RYR2: variants seen among roughly 807,000 people sequenced by gnomAD.
RYR2 encodes the protein ryanodine receptor 2.
A neutral mutation model predicts 601.1 loss-of-function variants in RYR2; 227 were observed. That is an observed-to-expected ratio of 0.38 (90% CI 0.34 to 0.42). The LOEUF is 0.42. Ranked by LOEUF, RYR2 falls within the 10% of genes least tolerant of loss-of-function variation. The probability of loss-of-function intolerance (pLI) is 1.00; values close to 1 mark genes in which losing one functional copy is unlikely to be tolerated. For missense variants in RYR2, 4,646 were observed against 6,156.5 expected, an observed-to-expected ratio of 0.75 and a Z score of 8.21; for synonymous variants, 2,223 against 2,175.1, an observed-to-expected ratio of 1.02 and a Z score of -0.61.
chr1:237,744,823 CAG>C (rs1315635162), intron 80 of RYR2, among the ~76,000 whole-genome samples: 2 of 134,262 alleles, frequency 1.5e-5, no homozygotes, highest in Non-Finnish European at 3.1e-5. Context: ...TTTTTTGAGA[CAG>C]AGTCTCACTG....
At chr1:237,187,275 A>T (rs1270093912) in intron 1 of RYR2, among the ~76,000 whole-genome samples, 1 of 150,022 alleles carries the variant, frequency 6.7e-6, no homozygotes, top group Non-Finnish European at 1.5e-5. Context: ...GGTTCAAGTG[A>T]TTCTCCTGTG....
intron 92 of RYR2, among the ~76,000 whole-genome samples, 188 bp from the exon 93 acceptor site, chr1:237,791,241 C>T (rs1310568070): frequency 6.6e-6 from 1 of 152,086 alleles, no homozygotes; most frequent in African/African-American, 2.4e-5. Context: ...CTTTTTTATT[C>T]TTTGTCTCCT....
intron 100 of RYR2, among the ~76,000 whole-genome samples, chr1:237,814,511 AG>A (rs34027395): frequency 6.6e-6 from 1 of 150,626 alleles, no homozygotes; most frequent in Non-Finnish European, 1.5e-5. Context: ...AATTTACAGT[AG>A]GGGGCGCCAT....
intron 80 of RYR2, 64 bp downstream of exon 80, chr1:237,742,413 A>G: frequency 8.7e-7 from 1 of 1,145,522 alleles, no homozygotes; most frequent in Non-Finnish European, 1.3e-6. Flanking sequence ...ATAGCTTATA[A>G]CTGACATTTA....
chr1:237,144,655 T>A (rs1673784426), intron 1 of RYR2, among the ~76,000 whole-genome samples: 1 of 152,228 alleles, frequency 6.6e-6, no homozygotes, highest in South Asian at 2.1e-4. Flanking sequence ...CATCTCTTAT[T>A]TTTTATCTGT....
intron 3 of RYR2, among the ~76,000 whole-genome samples, chr1:237,345,460 T>TAAA (rs1558658074): frequency 3.9e-5 from 5 of 128,668 alleles, no homozygotes; most frequent in Non-Finnish European, 4.9e-5. Flanking sequence ...TGCCAAAAAA[T>TAAA]AAAAAATAAA....
chr1:237,679,855 A>T (rs1469987210), intron 61 of RYR2, among the ~76,000 whole-genome samples: 1 of 152,164 alleles, frequency 6.6e-6, no homozygotes, highest in Non-Finnish European at 1.5e-5. Flanking sequence ...GACAGAGGGA[A>T]TGGCGTGTAC....
intron 23 of RYR2, among the ~76,000 whole-genome samples, chr1:237,507,147 G>A (rs1389700011): frequency 6.6e-6 from 1 of 152,220 alleles, no homozygotes; most frequent in Non-Finnish European, 1.5e-5. Flanking sequence ...AGATCTCAGT[G>A]AAATTGAAAG....
Position 237,490,676 on chromosome 1 carries a change from A to G in RYR2, c.1709-1130A>G, listed in dbSNP as rs6691286. ...GAACAGCTCCAAAATGTAACTCAAA[A>G]TCCTTTTGGCTGAATATATATTTGT... is the stretch of plus-strand genomic sequence containing the variant. On this transcript the variant is annotated intron_variant, in intron 17 of 104. Transcript: ENST00000366574. Among the ~76,000 whole-genome samples the G allele has an allele frequency of 4.6e-3, 696 of 152,308 alleles. 3 individuals carry two copies. The highest frequency in any genetic ancestry group is 0.015 in the African/African-American group (627 of 41,566).
intron 1 of RYR2, among the ~76,000 whole-genome samples, chr1:237,261,209 C>A (rs543403081): frequency 9.2e-5 from 14 of 152,280 alleles, no homozygotes; most frequent in African/African-American, 2.6e-4. Flanking sequence ...TCCACTGCTA[C>A]CATTCTGTTT....
At chr1:237,604,084 T>A (rs1348819174) in intron 35 of RYR2, among the ~76,000 whole-genome samples, 1 of 152,194 alleles carries the variant, frequency 6.6e-6, no homozygotes, top group Non-Finnish European at 1.5e-5. Flanking sequence ...AATAGACATC[T>A]ACAGAACTCT....
rs1431073529 is a variant in RYR2, at chr1:237,369,546, G to A, written c.322G>A (p.Gly108Ser). ...WKFMMKTAQGGGHRTLLYGHA... is the reference protein window; with the variant it reads ...WKFMMKTAQGSGHRTLLYGHA... ...CTTCTCTCTAAAGACTGCTCAAGGTGGTGGTCATCGAACACTCCTCTACGG... is the reference window on the plus strand; with the variant it reads ...CTTCTCTCTAAAGACTGCTCAAGGTAGTGGTCATCGAACACTCCTCTACGG... The change falls in exon 6 of 105, where the codon GGT (glycine) becomes AGT (serine). Residue 108 changes from glycine (G) to serine (S), a missense_variant. By Grantham distance (56) the Gly-to-Ser change is moderately conservative. Around this residue, in one of 17 missense-constraint regions of RYR2, gnomAD observed 153 missense variants for 203.6 expected, o/e 0.75. Coordinates refer to ENST00000366574, the MANE Select transcript of RYR2 (RefSeq NM_001035.3). 21 of 1,562,858 alleles carry A rather than the reference G, an allele frequency of 1.3e-5. No individual in the cohort carries two copies. Among genetic ancestry groups the A allele is most frequent in the Middle Eastern group, 1.7e-4 (1 of 6,030 alleles).
At chr1:237,490,043 A>C (rs1663152073) in intron 17 of RYR2, among the ~76,000 whole-genome samples, 1 of 152,234 alleles carries the variant, frequency 6.6e-6, no homozygotes, top group Admixed American at 6.5e-5. Context: ...ACATGGATGC[A>C]ACTGGAGGTT....
Position 237,634,953 on chromosome 1 carries a change from T to C in RYR2, c.6753T>C (p.Asn2251=), listed in dbSNP as rs753920249. The part of the protein sequence containing the change: ...DVAAASVMDN[N]ELALALREPD... The stretch of plus-strand genomic sequence containing the variant: ...CTGCAGCTTCGGTGATGGATAATAA[T>C]GAACTAGCATTAGCTCTGCGTGAGC... The change falls in exon 44 of 105, where the codon AAT becomes AAC. Residue 2251 remains asparagine, a synonymous_variant. Transcript: ENST00000366574. The C allele has an allele frequency of 6.2e-7, 1 of 1,608,952 alleles. No homozygotes were observed. The highest frequency in any genetic ancestry group is 1.1e-5 in the South Asian group (1 of 89,422).
intron 1 of RYR2, among the ~76,000 whole-genome samples, chr1:237,158,460 C>T (rs371189312): frequency 4.6e-5 from 7 of 152,124 alleles, no homozygotes; most frequent in Non-Finnish European, 7.3e-5. Flanking sequence ...TGCCTTCTCC[C>T]GGGCTTTGAA....
intron 1 of RYR2, among the ~76,000 whole-genome samples, chr1:237,149,329 A>AC (rs1674441327): frequency 6.6e-6 from 1 of 150,752 alleles, no homozygotes; most frequent in Non-Finnish European, 1.5e-5. Flanking sequence ...AAAAACAAAA[A>AC]ACCAAAAACA....
At chr1:237,826,643 T>TAA (rs35683566) in intron 101 of RYR2, among the ~76,000 whole-genome samples, 5,446 of 151,898 alleles carry the variant, frequency 0.036, 322 homozygotes, top group African/African-American at 0.12. Context: ...TAAAGTATAA[T>TAA]AAAAAAAGGA....
chr1:237,134,039 G>A (rs1672484228), intron 1 of RYR2, among the ~76,000 whole-genome samples: 1 of 151,948 alleles, frequency 6.6e-6, no homozygotes, highest in African/African-American at 2.4e-5. Flanking sequence ...GTTCCCTTGG[G>A]TCTGAAGTAC....
intron 1 of RYR2, among the ~76,000 whole-genome samples, chr1:237,231,249 C>T (rs573992828): frequency 3.3e-5 from 5 of 151,928 alleles, no homozygotes; most frequent in Admixed American, 3.3e-4. Context: ...TTTAGAACTT[C>T]CTCAACACAT....
Sources: allele counts gnomAD v4.1 joint callset (sites outside exome capture counted in the v4.1 genomes callset), GRCh38; gene constraint gnomAD v4.1.1; regional missense constraint gnomAD v4.1.1; transcripts MANE v1.5; gene names NCBI Gene and HGNC (gene_info 2026-07-23, HGNC 2026-07-21).